RIMS3: variants seen among roughly 807,000 people sequenced by gnomAD.
The protein encoded by RIMS3 is regulating synaptic membrane exocytosis protein 3.
Under a neutral mutation model 29.2 loss-of-function variants are expected in RIMS3, and 15 were observed. That is an observed-to-expected ratio of 0.51 (90% CI 0.34 to 0.79). RIMS3 has a LOEUF of 0.79. Ranked by LOEUF, RIMS3 falls within the 30% of genes least tolerant of loss-of-function variation. RIMS3 has a pLI of 0.01. For missense variants in RIMS3, 342 were observed against 421.4 expected, an observed-to-expected ratio of 0.81 and a Z score of 1.65; for synonymous variants, 161 against 170.1, an observed-to-expected ratio of 0.95 and a Z score of 0.41.
At chr1:40,648,233 G>A (rs893222544) in intron 1 of RIMS3, among the ~76,000 whole-genome samples, 1 of 152,118 alleles carries the variant, frequency 6.6e-6, no homozygotes. Context: ...CACACTCCTG[G>A]CTCTACCCCC....
At chr1:40,666,008 G>T (rs940708841), upstream of RIMS3, among the ~76,000 whole-genome samples, 11 of 152,068 alleles carry the variant, frequency 7.2e-5, no homozygotes, top group Non-Finnish European at 1.3e-4. Context: ...GCACCACGGC[G>T]CCCCCTGCCC....
the RIMS3 span, chr1:40,692,024 T>A: frequency 4.9e-6 from 1 of 205,840 alleles, no homozygotes; most frequent in East Asian, 1.9e-4. Flanking sequence ...TGCTCTTGCC[T>A]GGCCCGCTGC....
At chr1:40,661,851 C>T (rs943976328) in intron 1 of RIMS3, among the ~76,000 whole-genome samples, 2 of 152,196 alleles carry the variant, frequency 1.3e-5, no homozygotes, top group Non-Finnish European at 2.9e-5. Context: ...CCTCTGGCTC[C>T]CCAGGGAGGT....
the RIMS3 span, among the ~76,000 whole-genome samples, chr1:40,686,073 T>C: frequency 2.6e-5 from 4 of 151,726 alleles, no homozygotes; most frequent in African/African-American, 9.7e-5. Context: ...AGCTCGAACC[T>C]GGGAGGCAGA....
chr1:40,632,415 A>AATTTAT (rs1557666961), intron 5 of RIMS3, among the ~76,000 whole-genome samples: 3 of 81,166 alleles, frequency 3.7e-5, no homozygotes, highest in Non-Finnish European at 5.0e-5. Flanking sequence ...AATACATATA[A>AATTTAT]ATTTATATAT....
chr1:40,640,225 T>C (rs1048419155), intron 3 of RIMS3, among the ~76,000 whole-genome samples: 4 of 152,044 alleles, frequency 2.6e-5, no homozygotes, highest in Non-Finnish European at 4.4e-5. Context: ...GCCCCTTCCT[T>C]GTCCCAGCCC....
chr1:40,672,230 G>A, the RIMS3 span, among the ~76,000 whole-genome samples: 9 of 123,374 alleles, frequency 7.3e-5, 1 homozygote, highest in Non-Finnish European at 1.4e-4. Context: ...ACGGAGTCTC[G>A]CTCTTTCACC....
In RIMS3 at chr1:40,626,325, T is replaced by TAC. The variant is rs148325884; in HGVS notation, c.*190_*191dup. 3.6e-4 allele frequency: 213 copies of TAC among 599,062 alleles called. No homozygotes were observed. The highest frequency in any genetic ancestry group is 1.2e-3 in the Admixed American group (49 of 40,866). 37.1% of individuals were successfully genotyped at this position (599,062 alleles called of 1,614,324 possible). ...AATGAACAGATAGAACGTGGTCACG[T>TAC]ACACACACACACACACGCACGCACA... On this transcript the variant is annotated 3_prime_UTR_variant, in exon 8 of 8. Coordinates refer to ENST00000372684, the MANE Select transcript of RIMS3 (RefSeq NM_014747.3).
chr1:40,629,067 A>G, intron 6 of RIMS3, 118 bp from the exon 7 acceptor site: 1 of 1,318,660 alleles, frequency 7.6e-7, no homozygotes, highest in Non-Finnish European at 1.1e-6. Flanking sequence ...TGAGCCAGCC[A>G]GTGGACAGCA....
At chr1:40,683,204 A>T in the RIMS3 span, among the ~76,000 whole-genome samples, 93 of 152,330 alleles carry the variant, frequency 6.1e-4, no homozygotes, top group Middle Eastern at 3.4e-3. Flanking sequence ...GTAGACCAAT[A>T]GTCTAGACCT....
the RIMS3 span, among the ~76,000 whole-genome samples, chr1:40,681,247 A>G: frequency 6.6e-6 from 1 of 152,210 alleles, no homozygotes; most frequent in Non-Finnish European, 1.5e-5. Flanking sequence ...GAAGCTGAAC[A>G]GGGGTGTAGA....
At chr1:40,672,414 G>A in the RIMS3 span, among the ~76,000 whole-genome samples, 28 of 151,574 alleles carry the variant, frequency 1.8e-4, no homozygotes, top group Non-Finnish European at 3.2e-4. Flanking sequence ...TAGCCAAGAT[G>A]GTCTCGATCT....
chr1:40,661,149 G>A (rs1459063123), intron 1 of RIMS3, among the ~76,000 whole-genome samples: 2 of 152,182 alleles, frequency 1.3e-5, no homozygotes, highest in Non-Finnish European at 2.9e-5. Flanking sequence ...CCACTTGATA[G>A]CTGTGCGACT....
intron 1 of RIMS3, among the ~76,000 whole-genome samples, chr1:40,662,166 CT>C (rs1383684820): frequency 2.6e-5 from 4 of 152,132 alleles, no homozygotes; most frequent in African/African-American, 9.7e-5. Flanking sequence ...ATTCCCAAGT[CT>C]TTAGTATCCT....
intron 1 of RIMS3, among the ~76,000 whole-genome samples, chr1:40,658,756 T>C (rs892453400): frequency 2.0e-5 from 3 of 152,224 alleles, no homozygotes; most frequent in African/African-American, 7.2e-5. Flanking sequence ...GTGCAGAGAA[T>C]GGCTGCTTCA....
intron 1 of RIMS3, among the ~76,000 whole-genome samples, chr1:40,663,491 G>T (rs1570208856): frequency 6.6e-6 from 1 of 152,112 alleles, no homozygotes; most frequent in African/African-American, 2.4e-5. Context: ...GACCCTCCAG[G>T]CTCCAGCTGA....
chr1:40,675,312 A>AGGG, the RIMS3 span, among the ~76,000 whole-genome samples: 1 of 151,166 alleles, frequency 6.6e-6, no homozygotes, highest in Non-Finnish European at 1.5e-5. Flanking sequence ...CAGGTGGCAG[A>AGGG]AGGAGTTGAA....
intron 4 of RIMS3, among the ~76,000 whole-genome samples, chr1:40,634,214 T>C (rs1646506456): frequency 6.6e-6 from 1 of 152,088 alleles, no homozygotes; most frequent in South Asian, 2.1e-4. Context: ...TCCTACTAGA[T>C]AGTTTGGCCT....
chr1:40,666,895 C>T (rs1642434690), upstream of RIMS3, among the ~76,000 whole-genome samples: 1 of 151,986 alleles, frequency 6.6e-6, no homozygotes, highest in Non-Finnish European at 1.5e-5. Context: ...TGTGGTGGCA[C>T]ACAACTATAG....
Sources: allele counts gnomAD v4.1 joint callset (sites outside exome capture counted in the v4.1 genomes callset), GRCh38; gene constraint gnomAD v4.1.1; transcripts MANE v1.5; gene names NCBI Gene and HGNC (gene_info 2026-07-23, HGNC 2026-07-21).